SLC15A2: variants seen among roughly 807,000 people sequenced by gnomAD.
SLC15A2 encodes the protein solute carrier family 15 member 2.
A neutral mutation model predicts 95.5 loss-of-function variants in SLC15A2; 77 were observed. The ratio of observed to expected loss-of-function variants is 0.81; its 90% CI spans 0.67 to 0.97. The LOEUF is 0.97. Ranked by LOEUF, SLC15A2 falls within the 50% of genes least tolerant of loss-of-function variation. The pLI is 0.00. For missense variants in SLC15A2, 893 were observed against 874.4 expected (o/e 1.02, Z -0.27); for synonymous variants, 306 against 306.9 (o/e 1.00, Z 0.03).
intron 3 of SLC15A2, among the ~76,000 whole-genome samples, chr3:121,898,833 A>G (rs953888559): frequency 6.6e-6 from 1 of 152,192 alleles, no homozygotes; most frequent in Admixed American, 6.5e-5. Context: ...ACAATGGTTT[A>G]TAGCTTACTT....
At chr3:121,938,584 G>A (rs375921009) in intron 19 of SLC15A2, among the ~76,000 whole-genome samples, 26 of 152,302 alleles carry the variant, frequency 1.7e-4, no homozygotes, top group Non-Finnish European at 2.9e-4. Context: ...CTGACCCCTC[G>A]CACTTCCCGA....
intron 3 of SLC15A2, among the ~76,000 whole-genome samples, chr3:121,902,167 A>T (rs1350003856): frequency 6.6e-6 from 1 of 152,088 alleles, no homozygotes; most frequent in Non-Finnish European, 1.5e-5. Flanking sequence ...ATTATTAAAC[A>T]TGCATATTGG....
Position 121,923,281 on chromosome 3 carries a change from T to A in SLC15A2, c.1002+15T>A. ...ATAGGAATTTGGTGAGTAGAAGAGA[T>A]TTTCCAGAGAAGTCTATTATTTTCT... is the stretch of plus-strand genomic sequence containing the variant. On this transcript the variant is annotated intron_variant, in intron 11 of 21. Coordinates refer to ENST00000489711, the MANE Select transcript of SLC15A2 (RefSeq NM_021082.4). 1 of 1,612,200 alleles carries A rather than the reference T, an allele frequency of 6.2e-7. No individual in the cohort carries two copies. Among genetic ancestry groups the A allele is most frequent in the Non-Finnish European group, 8.5e-7 (1 of 1,179,004 alleles).
chr3:121,916,380 C>T (rs1355671310), intron 7 of SLC15A2, among the ~76,000 whole-genome samples: 1 of 152,076 alleles, frequency 6.6e-6, no homozygotes, highest in East Asian at 1.9e-4. Flanking sequence ...GACCTGGAAA[C>T]CTGTTCTCCA....
At chr3:121,905,969 T>A (rs528226919) in intron 3 of SLC15A2, among the ~76,000 whole-genome samples, 36 of 152,264 alleles carry the variant, frequency 2.4e-4, no homozygotes, top group African/African-American at 7.7e-4. Flanking sequence ...TCCATTATTA[T>A]TGTGTGGGAG....
intron 17 of SLC15A2, 34 bp from the exon 18 acceptor site, chr3:121,930,802 CTGTT>C (rs763440663): frequency 1.4e-5 from 19 of 1,345,016 alleles, no homozygotes; most frequent in South Asian, 9.5e-5. Flanking sequence ...TCAGGTGTTC[CTGTT>C]TGTTTGATAT....
rs1710236535 is a variant in SLC15A2, at chr3:121,931,724, G to A, written c.1750G>A (p.Val584Ile). ...LLDFGAAYLF[V>I]ITNNTNQGLQ... The stretch of plus-strand genomic sequence containing the variant: ...AGACTTTGGTGCAGCATATCTGTTT[G>A]TTATTACTAATGTAAGTAGCTCACA... The change falls in exon 19 of 22, where the codon GTT becomes ATT. Residue 584 changes from valine (V) to isoleucine (I), a missense_variant. By Grantham distance (29) the Val-to-Ile change is conservative. Coordinates refer to ENST00000489711, the MANE Select transcript of SLC15A2 (RefSeq NM_021082.4). The A allele has an allele frequency of 6.2e-7, 1 of 1,605,862 alleles. No homozygotes were observed. Among genetic ancestry groups the A allele is most frequent in the South Asian group, 1.1e-5 (1 of 90,900 alleles).
chr3:121,930,313 T>A lies in SLC15A2; in HGVS notation c.1554-527T>A, dbSNP rs150339334. Among the ~76,000 whole-genome samples, 780 of 152,334 alleles carry A rather than the reference T, an allele frequency of 5.1e-3. 8 individuals carry two copies. The highest frequency in any genetic ancestry group is 0.018 in the African/African-American group (728 of 41,578). ...TGGTCTTGGAAGGGTCCAAAGTTTC[T>A]GCAGACTCCAAAACAATTATAATAA... On this transcript the variant is annotated intron_variant, in intron 17 of 21. Coordinates refer to ENST00000489711, the MANE Select transcript of SLC15A2 (RefSeq NM_021082.4).
Position 121,940,388 on chromosome 3 carries a change from C to T in SLC15A2, c.1913C>T (p.Pro638Leu). The T allele has an allele frequency of 6.2e-7, 1 of 1,613,466 alleles. No individual in the cohort carries two copies. Among genetic ancestry groups the T allele is most frequent in the Non-Finnish European group, 8.5e-7 (1 of 1,179,538 alleles). Residue 638 changes from proline to leucine, a missense_variant, in exon 21 of 22, where the codon CCC (proline) becomes CTC (leucine). Pro to Leu is a moderately conservative substitution (Grantham distance 98, BLOSUM62 -3). Coordinates refer to ENST00000489711, the MANE Select transcript of SLC15A2 (RefSeq NM_021082.4). ...TCAAACTTGTGTCATCCCCAGGCTC[C>T]CTCTAGCATGAAATCTGTGCTCCAG... ...TGLEFSYSQAPSSMKSVLQAA... is the reference protein window; with the variant it reads ...TGLEFSYSQALSSMKSVLQAA...
chr3:121,930,913 T>G lies in SLC15A2; in HGVS notation c.1627T>G (p.Tyr543Asp), dbSNP rs1268690679. 5 of 1,613,248 alleles carry G rather than the reference T, an allele frequency of 3.1e-6. No homozygotes were observed. Among genetic ancestry groups the G allele is most frequent in the Non-Finnish European group, 4.2e-6 (5 of 1,179,210 alleles). Residue 543 changes from tyrosine (Y) to aspartate (D), a missense_variant, in exon 18 of 22, where the codon TAT (tyrosine) becomes GAT (aspartate). Transcript: ENST00000489711. Reference sequence around the variant, plus strand: ...TACCTCTCTCAATGTTGGTGAAGACTATGGTGTGTCTGCTTATAGAACTGT... The same window carrying G: ...TACCTCTCTCAATGTTGGTGAAGACGATGGTGTGTCTGCTTATAGAACTGT... ...TDTSLNVGED[Y>D]GVSAYRTVQR...
Position 121,915,668 on chromosome 3 carries a change from A to C in SLC15A2, c.672A>C (p.Pro224=). 6.2e-7 allele frequency: 1 copy of C among 1,613,872 alleles called. No individual in the cohort carries two copies. Among genetic ancestry groups the C allele is most frequent in the Admixed American group, 1.7e-5 (1 of 60,024 alleles). The change falls in exon 7 of 22, where the codon CCA becomes CCC. Residue 224 remains proline, a synonymous_variant. Coordinates refer to ENST00000489711, the MANE Select transcript of SLC15A2 (RefSeq NM_021082.4). The stretch of plus-strand genomic sequence containing the variant: ...GCTATGCATTGGCTTTTGGAGTTCC[A>C]GGACTGCTCATGGTAATTGCACTTG... ...EDCYALAFGV[P]GLLMVIALVV... is the part of the protein sequence containing the mutation.
At position 121,923,085 on chromosome 3, in the gene SLC15A2, C is replaced by T. The variant is rs367630543; in HGVS notation, c.913C>T (p.Leu305Phe). 3 of 1,614,100 alleles carry T rather than the reference C, an allele frequency of 1.9e-6. No individual in the cohort carries two copies. Among genetic ancestry groups the T allele is most frequent in the Non-Finnish European group, 2.5e-6 (3 of 1,179,932 alleles). The change falls in exon 10 of 22, where the codon CTT becomes TTT. Residue 305 changes from leucine (L) to phenylalanine (F), a missense_variant. Coordinates refer to ENST00000489711, the MANE Select transcript of SLC15A2 (RefSeq NM_021082.4). ...AAAGGCACTGACCAGGGTACTATTCCTTTATATCCCATTGCCCATGTTCTG... is the reference window on the plus strand; with the variant it reads ...AAAGGCACTGACCAGGGTACTATTCTTTTATATCCCATTGCCCATGTTCTG... ...DVKALTRVLFLYIPLPMFWAL... is the reference protein window; with the variant it reads ...DVKALTRVLFFYIPLPMFWAL...
At chr3:121,895,564 G>A (rs1341704555) in intron 1 of SLC15A2, among the ~76,000 whole-genome samples, 1 of 152,062 alleles carries the variant, frequency 6.6e-6, no homozygotes, top group African/African-American at 2.4e-5. Context: ...TTGCAAAGAT[G>A]TATATACTTC....
chr3:121,896,442 T>C lies in SLC15A2; in HGVS notation c.142T>C (p.Phe48Leu). Residue 48 changes from phenylalanine (F) to leucine (L), a missense_variant, in exon 2 of 22, where the codon TTC becomes CTC. Physicochemically the swap from Phe to Leu is conservative, Grantham distance 22. Transcript: ENST00000489711. ...CTCCAACTATCCACTGAGCATTGCC[T>C]TCATTGTGGTGAATGAATTCTGCGA... ...CGSNYPLSIA[F>L]IVVNEFCERF... is the part of the protein sequence containing the mutation. 6.2e-7 allele frequency: 1 copy of C among 1,614,186 alleles called. No individual in the cohort carries two copies. The highest frequency in any genetic ancestry group is 1.7e-5 in the Admixed American group (1 of 60,024).
In SLC15A2 at chr3:121,941,124, T is replaced by C. The variant is rs1710456928; in HGVS notation, c.*117T>C. ...ATATCAGAGCTGATCTCCTCCACCTTTCTCCAATGACAGAAGTTCCAGGAC... is the reference window on the plus strand; with the variant it reads ...ATATCAGAGCTGATCTCCTCCACCTCTCTCCAATGACAGAAGTTCCAGGAC... On this transcript the variant is annotated 3_prime_UTR_variant, in exon 22 of 22. Transcript: ENST00000489711. The C allele has an allele frequency of 1.1e-6, 1 of 888,642 alleles. No individual in the cohort carries two copies. Among genetic ancestry groups the C allele is most frequent in the Non-Finnish European group, 1.7e-6 (1 of 599,556 alleles). 55.0% of individuals were successfully genotyped at this position (888,642 alleles called of 1,614,324 possible).
At chr3:121,909,991 T>TC (rs1369081723) in intron 3 of SLC15A2, among the ~76,000 whole-genome samples, 1 of 118,744 alleles carries the variant, frequency 8.4e-6, no homozygotes, top group Non-Finnish European at 1.9e-5. Flanking sequence ...ACTCCTTTTT[T>TC]TTTCCTCTAT....
chr3:121,934,672 A>G (rs1488071677), intron 19 of SLC15A2, among the ~76,000 whole-genome samples: 4 of 152,326 alleles, frequency 2.6e-5, no homozygotes, highest in African/African-American at 7.2e-5. Context: ...GGCTGAGACA[A>G]TGGGGTTTTC....
At chr3:121,915,147 C>T in intron 5 of SLC15A2, 80 bp from the exon 6 acceptor site, 3 of 1,201,798 alleles carry the variant, frequency 2.5e-6, no homozygotes, top group South Asian at 2.7e-5. Context: ...TTGTGTGTAC[C>T]TTCAGCTCTG....
intron 3 of SLC15A2, among the ~76,000 whole-genome samples, chr3:121,907,495 T>A (rs1261086282): frequency 6.6e-6 from 1 of 152,244 alleles, no homozygotes; most frequent in Non-Finnish European, 1.5e-5. Flanking sequence ...GGTTTTTATC[T>A]ACCTTTGTTC....
Sources: allele counts gnomAD v4.1 joint callset (sites outside exome capture counted in the v4.1 genomes callset), GRCh38; gene constraint gnomAD v4.1.1; transcripts MANE v1.5; gene names NCBI Gene and HGNC (gene_info 2026-07-23, HGNC 2026-07-21).